The following SGMS1 variants were observed in gnomAD, a reference collection of about 807,000 sequenced individuals.
The protein encoded by SGMS1 is sphingomyelin synthase 1.
SGMS1 carries 13 observed loss-of-function variants against 46.2 expected under a neutral mutation model. The observed-to-expected ratio is 0.28, with a 90% CI of 0.18 to 0.45. SGMS1 has a LOEUF of 0.45. Ranked by LOEUF, SGMS1 falls within the 20% of genes least tolerant of loss-of-function variation. SGMS1 has a pLI of 1.00. For missense variants in SGMS1, 324 were observed against 519.9 expected (o/e 0.62, Z 3.66); for synonymous variants, 203 against 187.8 (o/e 1.08, Z -0.66).
At chr10:50,330,271 T>C (rs534776142) in intron 7 of SGMS1, among the ~76,000 whole-genome samples, 7 of 151,514 alleles carry the variant, frequency 4.6e-5, no homozygotes, top group African/African-American at 1.5e-4. Flanking sequence ...CTGGACAACA[T>C]AGCGCAACCC....
At position 50,307,004 on chromosome 10, in the gene SGMS1, A is replaced by T. The variant is rs994438020; in HGVS notation, c.*138T>A. On this transcript the variant is annotated 3_prime_UTR_variant, in exon 11 of 11. Transcript: ENST00000361781. The surrounding 1 kb of genome is among the most constrained non-coding windows in gnomAD (Gnocchi z 4.2). ...GAGAGAAAAAAAGATCACAGTGCTG[A>T]CCAGGTAACTCAATAGGTTAAGTCA... 2.4e-6 allele frequency: 2 copies of T among 839,356 alleles called. No individual in the cohort carries two copies. The highest frequency in any genetic ancestry group is 3.4e-5 in the African/African-American group (2 of 58,264). The allele number at this position is 839,356 out of a possible 1,614,324, so 52.0% of individuals were successfully genotyped here. A position where few individuals can be genotyped will look rare whatever the true frequency, so the allele number is the denominator to read the frequency against.
intron 3 of SGMS1, among the ~76,000 whole-genome samples, chr10:50,499,239 A>G (rs1837640973): frequency 6.6e-6 from 1 of 152,188 alleles, no homozygotes; most frequent in Admixed American, 6.5e-5. Context: ...TTCTGAAGCA[A>G]AGTACCTTCC....
rs1186463615 is a variant in SGMS1, at chr10:50,394,321, A to C, written c.-232+39155T>G. The stretch of plus-strand genomic sequence containing the variant: ...TTCCTAAAACAAAGACTCCATCATA[A>C]GCCATGTGAATTCCTACTTCAGGAC... On this transcript the variant is annotated intron_variant, in intron 6 of 10. Coordinates refer to ENST00000361781, the MANE Select transcript of SGMS1 (RefSeq NM_147156.4). Among the ~76,000 whole-genome samples the C allele has an allele frequency of 1.3e-5, 2 of 152,246 alleles. 1 individual carries two copies. The highest frequency in any genetic ancestry group is 2.9e-5 in the Non-Finnish European group (2 of 68,050).
intron 6 of SGMS1, among the ~76,000 whole-genome samples, chr10:50,369,550 CA>C (rs549149612): frequency 0.012 from 1,544 of 130,680 alleles, 23 homozygotes; most frequent in African/African-American, 0.037. Context: ...ATACATATGC[CA>C]AAAAAAAAAA....
At chr10:50,374,141 T>C (rs1194044904) in intron 6 of SGMS1, among the ~76,000 whole-genome samples, 1 of 152,166 alleles carries the variant, frequency 6.6e-6, no homozygotes, top group East Asian at 1.9e-4. Context: ...TAATATATAT[T>C]TACAAAAGCC....
intron 6 of SGMS1, among the ~76,000 whole-genome samples, chr10:50,345,556 A>G (rs1458324611): frequency 6.6e-6 from 1 of 152,226 alleles, no homozygotes; most frequent in Non-Finnish European, 1.5e-5. Context: ...ATAGAAACAT[A>G]CATGTATAAT....
chr10:50,454,331 T>A (rs759169038), intron 5 of SGMS1, among the ~76,000 whole-genome samples: 2 of 152,104 alleles, frequency 1.3e-5, no homozygotes, highest in Non-Finnish European at 2.9e-5. Flanking sequence ...TCAGAAAAAC[T>A]AACTAATCAG....
chr10:50,505,993 C>G (rs955194750), intron 3 of SGMS1, among the ~76,000 whole-genome samples: 1 of 152,126 alleles, frequency 6.6e-6, no homozygotes, highest in Non-Finnish European at 1.5e-5. Flanking sequence ...TGAAACTGAG[C>G]TGTGATCCTT....
chr10:50,556,011 C>T (rs1029460088), intron 2 of SGMS1, among the ~76,000 whole-genome samples: 2 of 152,190 alleles, frequency 1.3e-5, no homozygotes, highest in Non-Finnish European at 2.9e-5. Flanking sequence ...TCATTTTCCC[C>T]TCTCCTCCAT....
intron 2 of SGMS1, among the ~76,000 whole-genome samples, chr10:50,544,503 G>A (rs1838083236): frequency 6.6e-6 from 1 of 152,164 alleles, no homozygotes. Context: ...ATTTTCAGCT[G>A]CAACTGAGAG....
chr10:50,356,330 T>C (rs1396672609), intron 6 of SGMS1, among the ~76,000 whole-genome samples: 1 of 152,234 alleles, frequency 6.6e-6, no homozygotes. Flanking sequence ...GTGCAAGATG[T>C]GCTTTGTTAA....
intron 2 of SGMS1, among the ~76,000 whole-genome samples, chr10:50,552,266 T>C (rs1343072979): frequency 6.6e-6 from 1 of 152,334 alleles, no homozygotes; most frequent in East Asian, 1.9e-4. Flanking sequence ...AGATATTAAG[T>C]AACAAAAAGT....
intron 2 of SGMS1, among the ~76,000 whole-genome samples, chr10:50,584,437 T>C (rs2131881619): frequency 1.3e-5 from 2 of 148,336 alleles, no homozygotes; most frequent in Non-Finnish European, 3.0e-5. Context: ...AGGCAGAGGT[T>C]GTAGTAAGCG....
At chr10:50,553,244 T>C (rs1336439000) in intron 2 of SGMS1, among the ~76,000 whole-genome samples, 1 of 152,164 alleles carries the variant, frequency 6.6e-6, no homozygotes, top group Non-Finnish European at 1.5e-5. Flanking sequence ...GTTAACACTC[T>C]GGACCTGGAT....
chr10:50,368,825 T>C (rs1848391244), intron 6 of SGMS1, among the ~76,000 whole-genome samples: 1 of 152,186 alleles, frequency 6.6e-6, no homozygotes, highest in Non-Finnish European at 1.5e-5. Context: ...ATTTGTAAAA[T>C]AGATAAAAGA....
At chr10:50,413,518 C>T (rs542969741) in intron 6 of SGMS1, among the ~76,000 whole-genome samples, 12 of 152,332 alleles carry the variant, frequency 7.9e-5, no homozygotes, top group African/African-American at 2.4e-4. Context: ...CAGGATTTCT[C>T]GACCATAACA....
At chr10:50,484,549 G>A (rs1252332456) in intron 3 of SGMS1, among the ~76,000 whole-genome samples, 2 of 152,194 alleles carry the variant, frequency 1.3e-5, no homozygotes, top group Non-Finnish European at 1.5e-5. Flanking sequence ...CATTTTATGA[G>A]GCCAGCATCA....
At chr10:50,544,352 G>C (rs1252516880) in intron 2 of SGMS1, among the ~76,000 whole-genome samples, 1 of 152,156 alleles carries the variant, frequency 6.6e-6, no homozygotes, top group Non-Finnish European at 1.5e-5. Flanking sequence ...GACAAATACA[G>C]GAATCCAGAG....
chr10:50,450,684 T>C (rs1485961975), intron 5 of SGMS1, among the ~76,000 whole-genome samples: 1 of 152,004 alleles, frequency 6.6e-6, no homozygotes, highest in Non-Finnish European at 1.5e-5. Context: ...TTAAATGTGA[T>C]ATAAAAAAAT....
Sources: allele counts gnomAD v4.1 joint callset (sites outside exome capture counted in the v4.1 genomes callset), GRCh38; gene constraint gnomAD v4.1.1; non-coding constraint Gnocchi (gnomAD v3.1); transcripts MANE v1.5; gene names NCBI Gene and HGNC (gene_info 2026-07-23, HGNC 2026-07-21).